MAGI2: variants seen among roughly 807,000 people sequenced by gnomAD.
MAGI2 encodes membrane associated guanylate kinase, WW and PDZ domain containing 2, also known as membrane-associated guanylate kinase, WW and PDZ domain-containing protein 2.
MAGI2 carries 35 observed loss-of-function variants against 133.3 expected under a neutral mutation model. The ratio of observed to expected loss-of-function variants is 0.26; its 90% CI spans 0.20 to 0.35. The LOEUF (loss-of-function observed/expected upper bound fraction) is 0.35, where lower values mean the gene tolerates loss of function less well. MAGI2 is among the 10% of genes least tolerant of loss of function. MAGI2 has a pLI of 1.00. For missense variants in MAGI2, 1,636 were observed against 1,863.4 expected (o/e 0.88, Z 2.25); for synonymous variants, 729 against 710.6 (o/e 1.03, Z -0.41).
At chr7:78,524,189 C>G (rs114459908) in intron 3 of MAGI2, among the ~76,000 whole-genome samples, 2 of 152,116 alleles carry the variant, frequency 1.3e-5, no homozygotes, top group Admixed American at 6.5e-5. Flanking sequence ...GGAGCCCTAC[C>G]GTCCACTGAT....
At chr7:78,984,774 T>C (rs945522724) in intron 2 of MAGI2, among the ~76,000 whole-genome samples, 1 of 152,030 alleles carries the variant, frequency 6.6e-6, no homozygotes, top group African/African-American at 2.4e-5. Context: ...GCACTGATTT[T>C]CATTGCCAAA....
rs911800737 is a variant in MAGI2, at chr7:79,434,009, T to C, written c.301+19011A>G. ...ATTCCATTTTATCACTAATTTACGA[T>C]GAACTGCTTAATCTATCATTTCTAT... On this transcript the variant is annotated intron_variant, in intron 1 of 21. Coordinates refer to ENST00000354212, the MANE Select transcript of MAGI2 (RefSeq NM_012301.4). Among the ~76,000 whole-genome samples, 4 of 152,196 alleles carry C rather than the reference T, an allele frequency of 2.6e-5. No homozygotes were observed. In the East Asian group the frequency reaches 5.8e-4, roughly 22 times the overall value.
chr7:79,411,340 G>A (rs1846128393), intron 1 of MAGI2: 1 of 152,186 alleles, frequency 6.6e-6, no homozygotes, highest in Non-Finnish European at 1.5e-5. Context: ...CTACACAGGT[G>A]AGCCCAATTT....
At chr7:79,365,896 A>AAG (rs1842676421) in intron 1 of MAGI2, among the ~76,000 whole-genome samples, 1 of 141,292 alleles carries the variant, frequency 7.1e-6, no homozygotes, top group Non-Finnish European at 1.6e-5. Context: ...AAAAAGTAAC[A>AAG]AAATAGTGAT....
Position 79,117,583 on chromosome 7 carries a change from T to C in MAGI2, c.302-110377A>G, listed in dbSNP as rs201691552. The stretch of plus-strand genomic sequence containing the variant: ...CTATATTTTTAGATGTTATTATTCA[T>C]TATAATTGCTAGAAACAGCATCTTT... On this transcript the variant is annotated intron_variant, in intron 1 of 21. Transcript: ENST00000354212. Among the ~76,000 whole-genome samples, 4 of 152,292 alleles carry C rather than the reference T, an allele frequency of 2.6e-5. No homozygotes were observed. The East Asian group carries it at 7.7e-4, about 29-fold the overall frequency.
At chr7:79,257,996 C>A (rs1199897311) in intron 1 of MAGI2, among the ~76,000 whole-genome samples, 1 of 152,118 alleles carries the variant, frequency 6.6e-6, no homozygotes, top group Admixed American at 6.6e-5. Flanking sequence ...TTTTGCCTGA[C>A]CTCATGCATT....
chr7:78,389,176 G>A (rs1331522911), intron 6 of MAGI2, among the ~76,000 whole-genome samples: 2 of 152,144 alleles, frequency 1.3e-5, no homozygotes, highest in Non-Finnish European at 2.9e-5. Flanking sequence ...ACTTAATAGA[G>A]ACACAAATTA....
intron 6 of MAGI2, among the ~76,000 whole-genome samples, chr7:78,448,421 CA>C (rs1317580385): frequency 2.0e-5 from 3 of 152,070 alleles, no homozygotes; most frequent in African/African-American, 7.2e-5. Context: ...TCTTTCTCCA[CA>C]ACCACACCAG....
intron 9 of MAGI2, among the ~76,000 whole-genome samples, chr7:78,332,707 A>C (rs1789355777): frequency 7.4e-6 from 1 of 135,416 alleles, no homozygotes; most frequent in Non-Finnish European, 1.6e-5. Flanking sequence ...CAAAAAAAAA[A>C]AAAAAAAAAA....
rs553353638 is a variant in MAGI2, at chr7:79,130,667, A to G, written c.302-123461T>C. Among the ~76,000 whole-genome samples the G allele has an allele frequency of 2.0e-5, 3 of 152,364 alleles. No individual in the cohort carries two copies. The South Asian group carries it at 6.2e-4, about 32-fold the overall frequency. ...ACATCATTGAATTGTGGTGAGGATT[A>G]AATGAGTTAATGAATATAAAAATTT... On this transcript the variant is annotated intron_variant, in intron 1 of 21. Transcript: ENST00000354212.
At position 79,279,716 on chromosome 7, in the gene MAGI2, G is replaced by T. The variant is rs528855462; in HGVS notation, c.301+173304C>A. 6.6e-5 allele frequency among the ~76,000 whole-genome samples: 10 copies of T among 152,250 alleles called. No homozygotes were observed. The South Asian group carries it at 1.7e-3, about 25-fold the overall frequency. ...ATTATTGTCCTCCAGTAGGGCATCT[G>T]TTTTTCTCACTAAGTAAGTCAATAG... On this transcript the variant is annotated intron_variant, in intron 1 of 21. Coordinates refer to ENST00000354212, the MANE Select transcript of MAGI2 (RefSeq NM_012301.4).
intron 21 of MAGI2, among the ~76,000 whole-genome samples, chr7:78,026,569 G>C (rs1050835111): frequency 1.3e-5 from 2 of 152,130 alleles, no homozygotes; most frequent in Non-Finnish European, 2.9e-5. Context: ...ATTTGCATCT[G>C]TTCCACCATC....
At chr7:78,479,924 T>A (rs568860346) in intron 6 of MAGI2, among the ~76,000 whole-genome samples, 3 of 151,902 alleles carry the variant, frequency 2.0e-5, no homozygotes, top group African/African-American at 7.2e-5. Flanking sequence ...AAGTACTAAA[T>A]AGAAATTACA....
At chr7:78,418,773 G>T (rs769740406) in intron 6 of MAGI2, among the ~76,000 whole-genome samples, 2 of 152,140 alleles carry the variant, frequency 1.3e-5, no homozygotes, top group Non-Finnish European at 2.9e-5. Flanking sequence ...ATTTCACAAT[G>T]CTGTAGGGGG....
intron 1 of MAGI2, among the ~76,000 whole-genome samples, chr7:79,109,489 T>C (rs1818731050): frequency 6.6e-6 from 1 of 152,162 alleles, no homozygotes; most frequent in South Asian, 2.1e-4. Flanking sequence ...AAGAAATGTC[T>C]AAGGAGCAAA....
intron 16 of MAGI2, among the ~76,000 whole-genome samples, chr7:78,153,034 A>G (rs1824043024): frequency 6.6e-6 from 1 of 152,250 alleles, no homozygotes; most frequent in East Asian, 1.9e-4. Flanking sequence ...TATGTTCAAC[A>G]GTGTGGGTAT....
intron 1 of MAGI2, among the ~76,000 whole-genome samples, chr7:79,268,447 A>G (rs1029239375): frequency 6.6e-6 from 1 of 152,200 alleles, no homozygotes; most frequent in African/African-American, 2.4e-5. Context: ...CTTAGCTGCT[A>G]TTTATAAATA....
At chr7:78,119,670 C>A (rs1182258030) in intron 20 of MAGI2, among the ~76,000 whole-genome samples, 2 of 147,486 alleles carry the variant, frequency 1.4e-5, no homozygotes, top group Non-Finnish European at 3.0e-5. Flanking sequence ...TCCATTGTAA[C>A]AAATATACCA....
chr7:78,780,764 T>C (rs1478120418), intron 2 of MAGI2, among the ~76,000 whole-genome samples: 1 of 152,214 alleles, frequency 6.6e-6, no homozygotes, highest in Non-Finnish European at 1.5e-5. Context: ...TCTGTTTCAG[T>C]ACCGGGCCAT....
Sources: gnomAD v4.1 joint callset for allele counts (sites outside exome capture counted in the v4.1 genomes callset) on GRCh38, gnomAD v4.1.1 for gene constraint, MANE v1.5 for transcripts, NCBI Gene and HGNC (gene_info 2026-07-23, HGNC 2026-07-21) for gene names.